Variants in RAD51B observed in about 807,000 individuals in gnomAD.
RAD51B encodes the protein DNA repair protein RAD51 homolog 2.
RAD51B carries 38 observed loss-of-function variants against 42.2 expected under a neutral mutation model. The observed-to-expected ratio is 0.90, with a 90% CI of 0.70 to 1.18. The LOEUF is 1.18. Among genes scored for constraint, RAD51B ranks in the 50% most tolerant of loss-of-function variants. The pLI is 0.00. For synonymous variants in RAD51B, 154 were observed against 145.2 expected (o/e 1.06, Z -0.43); for missense variants, 373 against 400.7 (o/e 0.93, Z 0.59).
At position 68,090,683 on chromosome 14, in the gene RAD51B, TTTTA is replaced by T. The variant is rs957253689; in HGVS notation, c.757-201186_757-201183del. 1.2e-4 allele frequency among the ~76,000 whole-genome samples: 18 copies of T among 150,396 alleles called. No individual in the cohort carries two copies. In the South Asian group the frequency reaches 2.7e-3, roughly 23 times the overall value. ...GTCTGGGTCTGTATGATTTTATTTA[TTTTA>T]TTTATTTATTTATTATTATTATTAT... On this transcript the variant is annotated intron_variant, in intron 7 of 10. Transcript: ENST00000471583.
At chr14:68,551,900 C>T (rs1177716259) in intron 10 of RAD51B, among the ~76,000 whole-genome samples, 2 of 152,150 alleles carry the variant, frequency 1.3e-5, no homozygotes, top group Non-Finnish European at 2.9e-5. Context: ...CCTTATTTGT[C>T]CCCTCTAGGA....
At chr14:68,268,351 G>T (rs1181683914) in intron 7 of RAD51B, among the ~76,000 whole-genome samples, 1 of 152,152 alleles carries the variant, frequency 6.6e-6, no homozygotes, top group Non-Finnish European at 1.5e-5. Context: ...CTGATCACCA[G>T]CACGTCACTC....
chr14:68,037,423 G>A (rs533545825), intron 7 of RAD51B, among the ~76,000 whole-genome samples: 238 of 151,534 alleles, frequency 1.6e-3, no homozygotes, highest in African/African-American at 5.6e-3. Context: ...GTTTTACCAC[G>A]TTGGCCAGGA....
chr14:67,982,997 G>C (rs910844829), intron 7 of RAD51B, among the ~76,000 whole-genome samples: 1 of 152,142 alleles, frequency 6.6e-6, no homozygotes, highest in South Asian at 2.1e-4. Flanking sequence ...AGGAGTTTGA[G>C]GCTGCAGTGA....
At chr14:67,996,885 G>C (rs2075394754) in intron 7 of RAD51B, among the ~76,000 whole-genome samples, 1 of 152,366 alleles carries the variant, frequency 6.6e-6, no homozygotes, top group South Asian at 2.1e-4. Context: ...AGTGGAGGCA[G>C]TGAGCTGTGG....
At chr14:68,549,661 G>A (rs556710602) in intron 10 of RAD51B, among the ~76,000 whole-genome samples, 19 of 150,990 alleles carry the variant, frequency 1.3e-4, no homozygotes, top group East Asian at 3.9e-4. Flanking sequence ...TGATCCGCCC[G>A]TCTCGGCCTC....
chr14:68,607,281 C>T (rs1891484889), intron 10 of RAD51B, among the ~76,000 whole-genome samples: 1 of 152,196 alleles, frequency 6.6e-6, no homozygotes, highest in Admixed American at 6.5e-5. Flanking sequence ...CCATTGGTCC[C>T]AGCTTTTATC....
intron 10 of RAD51B, among the ~76,000 whole-genome samples, chr14:68,584,785 T>C (rs982900205): frequency 6.6e-6 from 1 of 152,248 alleles, no homozygotes; most frequent in Non-Finnish European, 1.5e-5. Flanking sequence ...GTTAGTACTT[T>C]ATAACATATG....
At chr14:68,407,434 A>G (rs2084307904) in intron 8 of RAD51B, among the ~76,000 whole-genome samples, 2 of 152,252 alleles carry the variant, frequency 1.3e-5, no homozygotes, top group African/African-American at 2.4e-5. Context: ...TTTACCCTGC[A>G]TCACCACAAG....
chr14:68,285,336 A>C (rs1438512996), intron 7 of RAD51B, among the ~76,000 whole-genome samples: 1 of 152,244 alleles, frequency 6.6e-6, no homozygotes, highest in African/African-American at 2.4e-5. Flanking sequence ...GGATCACTTC[A>C]GATACAAAAG....
chr14:68,331,367 CAA>C lies in RAD51B; in HGVS notation c.853+39404_853+39405del, dbSNP rs778136542. On this transcript the variant is annotated intron_variant, in intron 8 of 10. Transcript: ENST00000471583. ...TGGGCTACAGAACGAGACTCTGTCT[CAA>C]AAAAAAAAAAAAAAAAGCAATGGTG... 3.3e-4 allele frequency among the ~76,000 whole-genome samples: 11 copies of C among 32,936 alleles called. 2 individuals are homozygous for C. The highest frequency in any genetic ancestry group is 3.1e-3 in the South Asian group (2 of 642). 21.6% of individuals were successfully genotyped at this position (32,936 alleles called of 152,430 possible).
intron 7 of RAD51B, among the ~76,000 whole-genome samples, chr14:68,223,939 C>A (rs868174269): frequency 3.9e-5 from 6 of 152,302 alleles, no homozygotes; most frequent in African/African-American, 1.2e-4. Context: ...CTGATATCAT[C>A]CACAATTCAA....
At chr14:67,834,530 T>G (rs2041164808) in intron 3 of RAD51B, among the ~76,000 whole-genome samples, 2 of 152,100 alleles carry the variant, frequency 1.3e-5, no homozygotes, top group Non-Finnish European at 2.9e-5. Flanking sequence ...AGGCCCCTGC[T>G]TACTTCTCTA....
At chr14:68,080,650 G>A (rs1359534348) in intron 7 of RAD51B, among the ~76,000 whole-genome samples, 1 of 152,162 alleles carries the variant, frequency 6.6e-6, no homozygotes, top group Non-Finnish European at 1.5e-5. Flanking sequence ...ATGAACCAAT[G>A]CCATGATGAA....
Position 68,037,430 on chromosome 14 carries a change from A to C in RAD51B, c.756+150226A>C, listed in dbSNP as rs558548169. ...GAGACAGGGTTTTACCACGTTGGCC[A>C]GGATGGTCTCAATCTTCTGACCTCG... On this transcript the variant is annotated intron_variant, in intron 7 of 10. Coordinates refer to ENST00000471583, the MANE Select transcript of RAD51B (RefSeq NM_133510.4). Among the ~76,000 whole-genome samples, 4 of 151,788 alleles carry C rather than the reference A, an allele frequency of 2.6e-5. No individual in the cohort carries two copies. In the South Asian group the frequency reaches 8.4e-4, roughly 32 times the overall value.
Position 67,835,154 on chromosome 14 carries a change from C to G in RAD51B, c.273C>G (p.Asp91Glu). 1 of 1,613,984 alleles carries G rather than the reference C, an allele frequency of 6.2e-7. No individual in the cohort carries two copies. The highest frequency in any genetic ancestry group is 8.5e-7 in the Non-Finnish European group (1 of 1,179,940). Residue 91 changes from aspartate (D) to glutamate (E), a missense_variant, in exon 4 of 11, where the codon GAC (aspartate) becomes GAG (glutamate). Asp to Glu is a conservative substitution (Grantham distance 45). Transcript: ENST00000471583. Reference sequence around the variant, plus strand: ...TATCTACTACCCTTTCTGCTTTGGACGAAGCCCTGCATGGTGGTGTGGCTT... The same window carrying G: ...TATCTACTACCCTTTCTGCTTTGGAGGAAGCCCTGCATGGTGGTGTGGCTT... Reference protein sequence around the residue: ...AFLSTTLSALDEALHGGVACG... With the variant: ...AFLSTTLSALEEALHGGVACG...
At chr14:68,512,541 G>A (rs1331981488) in intron 10 of RAD51B, among the ~76,000 whole-genome samples, 1 of 152,148 alleles carries the variant, frequency 6.6e-6, no homozygotes, top group Non-Finnish European at 1.5e-5. Context: ...ATGGAAGTGC[G>A]GGTCTGTGTA....
intron 9 of RAD51B, among the ~76,000 whole-genome samples, chr14:68,427,219 T>C (rs1217769488): frequency 6.6e-6 from 1 of 152,230 alleles, no homozygotes; most frequent in Non-Finnish European, 1.5e-5. Context: ...CAATGCTTAC[T>C]GGAACTGTGG....
chr14:68,408,899 A>C (rs1249673155), intron 8 of RAD51B, among the ~76,000 whole-genome samples: 1 of 152,144 alleles, frequency 6.6e-6, no homozygotes, highest in Non-Finnish European at 1.5e-5. Context: ...TCTCGAACTC[A>C]CCACAGTACT....
Sources: gnomAD v4.1 joint callset for allele counts (sites outside exome capture counted in the v4.1 genomes callset) on GRCh38, gnomAD v4.1.1 for gene constraint, MANE v1.5 for transcripts, NCBI Gene and HGNC (gene_info 2026-07-23, HGNC 2026-07-21) for gene names.